DOCK6: variants seen among roughly 807,000 people sequenced by gnomAD.
DOCK6 encodes dedicator of cytokinesis protein 6.
DOCK6 carries 167 observed loss-of-function variants against 230.3 expected under a neutral mutation model. That is an observed-to-expected ratio of 0.73 (90% CI 0.64 to 0.82). The LOEUF is 0.82. Ranked by LOEUF, DOCK6 falls within the 40% of genes least tolerant of loss-of-function variation. The probability of loss-of-function intolerance (pLI) is 0.00; values close to 1 mark genes in which losing one functional copy is unlikely to be tolerated. For missense variants in DOCK6, 2,598 were observed against 2,825.8 expected, an observed-to-expected ratio of 0.92 and a Z score of 1.83; for synonymous variants, 1,148 against 1,185.0, an observed-to-expected ratio of 0.97 and a Z score of 0.64.
At chr19:11,240,516 G>A (rs72994398) in intron 14 of DOCK6, among the ~76,000 whole-genome samples, 5 of 152,134 alleles carry the variant, frequency 3.3e-5, no homozygotes, top group Non-Finnish European at 7.4e-5. Context: ...TCACAGTAGG[G>A]CCAGGTACTC....
rs2079505731 is a variant in DOCK6 at position 11,217,250 on chromosome 19, A to G, written c.3692T>C (p.Ile1231Thr). The G allele has an allele frequency of 3.7e-6, 6 of 1,612,552 alleles. No homozygotes were observed. The highest frequency in any genetic ancestry group is 5.1e-6 in the Non-Finnish European group (6 of 1,179,554). The change falls in exon 29 of 48, where the codon ATC (isoleucine) becomes ACC (threonine). Residue 1231 changes from isoleucine (I) to threonine (T), a missense_variant. By Grantham distance (89) the Ile-to-Thr change is moderately conservative (BLOSUM62 -1). Transcript: ENST00000294618. ...ACTCACCGTTGGTGGCCCCTGGGAG[A>G]TGCTGGCCCGGGAGCCAGGGGCTAG... is the stretch of plus-strand genomic sequence containing the variant. Reference protein sequence around the residue: ...GPLAPGSRASISQGPPTASRA... With the variant: ...GPLAPGSRASTSQGPPTASRA...
chr19:11,239,656 T>G, intron 14 of DOCK6: 1 of 1,613,738 alleles, frequency 6.2e-7, no homozygotes, highest in Non-Finnish European at 8.5e-7. Context: ...GCCTGCTCTG[T>G]GCCTGCTCTG....
chr19:11,199,474 G>T lies in DOCK6; in HGVS notation c.*23C>A. On this transcript the variant is annotated 3_prime_UTR_variant, in exon 48 of 48. Coordinates refer to ENST00000294618, the MANE Select transcript of DOCK6 (RefSeq NM_020812.4). ...GAGGCCCGGGTGCTGGTTCCTCTAG[G>T]TACAGCTTTGGTCCTTGTGGGCTCA... 2.5e-6 allele frequency: 4 copies of T among 1,571,864 alleles called. No individual in the cohort carries two copies. The highest frequency in any genetic ancestry group is 1.2e-5 in the South Asian group (1 of 85,292).
rs1216303054 is a variant in DOCK6 at position 11,215,796 on chromosome 19, C to T, written c.4021+5G>A. On this transcript the variant is annotated splice_donor_5th_base_variant and intron_variant, in intron 31 of 47. Coordinates refer to ENST00000294618, the MANE Select transcript of DOCK6 (RefSeq NM_020812.4). ...TGGGGACACGTGGGTATGTCACCCT[C>T]TTACCACGACTTCGCCGAACCATTT... The T allele has an allele frequency of 3.1e-6, 5 of 1,613,868 alleles. No homozygotes were observed. Among genetic ancestry groups the T allele is most frequent in the East Asian group, 2.2e-5 (1 of 44,894 alleles).
intron 1 of DOCK6, among the ~76,000 whole-genome samples, chr19:11,260,892 A>AAAAAAAAAAAAG (rs1423289379): frequency 2.7e-4 from 40 of 148,482 alleles, no homozygotes; most frequent in Non-Finnish European, 4.1e-4. Context: ...CAAAAAAAAA[A>AAAAAAAAAAAAG]AAAGAAAGAA....
At chr19:11,232,657 C>T (rs199635937) in intron 22 of DOCK6, among the ~76,000 whole-genome samples, 36 of 86,740 alleles carry the variant, frequency 4.2e-4, no homozygotes, top group South Asian at 1.7e-3. Context: ...TATACGCACC[C>T]GTGTCTGTAT....
At chr19:11,226,856 A>G (rs922252578) in intron 24 of DOCK6, among the ~76,000 whole-genome samples, 3 of 152,156 alleles carry the variant, frequency 2.0e-5, no homozygotes, top group African/African-American at 4.8e-5. Context: ...CCATTTATTG[A>G]GCACTTGCTG....
At position 11,243,966 on chromosome 19, in the gene DOCK6, T is replaced by G; in HGVS notation, c.1024-84A>C. On this transcript the variant is annotated intron_variant, in intron 9 of 47. Transcript: ENST00000294618. The surrounding 1 kb of genome is among the most constrained non-coding windows in gnomAD (Gnocchi z 6.3). The stretch of plus-strand genomic sequence containing the variant: ...CTGGCTCCCCAGCCTCCTGGACCCC[T>G]CATGGGCCCTCGGACACTCCTAACA... 1 of 1,430,874 alleles carries G rather than the reference T, an allele frequency of 7.0e-7. No homozygotes were observed. The highest frequency in any genetic ancestry group is 9.6e-7 in the Non-Finnish European group (1 of 1,037,794). 88.6% of individuals were successfully genotyped at this position (1,430,874 alleles called of 1,614,324 possible). A position where few individuals can be genotyped will look rare whatever the true frequency, so the allele number is the denominator to read the frequency against.
In DOCK6 at chr19:11,212,130, G is replaced by T. The variant is rs775574056; in HGVS notation, c.4513C>A (p.Gln1505Lys). The T allele has an allele frequency of 1.2e-6, 2 of 1,610,984 alleles. No individual in the cohort carries two copies. Among genetic ancestry groups the T allele is most frequent in the Non-Finnish European group, 8.5e-7 (1 of 1,179,724 alleles). The change falls in exon 36 of 48, where the codon CAG (glutamine) becomes AAG (lysine). Residue 1505 changes from glutamine to lysine, a missense_variant. By Grantham distance (53) the Gln-to-Lys change is moderately conservative (BLOSUM62 1). Coordinates refer to ENST00000294618, the MANE Select transcript of DOCK6 (RefSeq NM_020812.4). Reference sequence around the variant, plus strand: ...AGGGACGAGAGAGACATGGTGACCTGCATCTTCACACGGGCAAAGTTCTGC... The same window carrying T: ...AGGGACGAGAGAGACATGGTGACCTTCATCTTCACACGGGCAAAGTTCTGC... The part of the protein sequence containing the change: ...IGHNFARVKM[Q>K]VTMSLSSLVG...
At chr19:11,234,071 C>T (rs898449901) in intron 21 of DOCK6, among the ~76,000 whole-genome samples, 8 of 151,988 alleles carry the variant, frequency 5.3e-5, no homozygotes, top group African/African-American at 1.9e-4. Context: ...GAGATCTTGG[C>T]TCACTGCAAC....
Position 11,201,764 on chromosome 19 carries a change from C to T in DOCK6, c.5688+125G>A, listed in dbSNP as rs1600840173. Reference sequence around the variant, plus strand: ...CTGGTCTAGGGTCCCTGTGCCACCCCTCTCTGGGTCTGAGGTCCGTGAACC... The same window carrying T: ...CTGGTCTAGGGTCCCTGTGCCACCCTTCTCTGGGTCTGAGGTCCGTGAACC... On this transcript the variant is annotated intron_variant, in intron 44 of 47. Coordinates refer to ENST00000294618, the MANE Select transcript of DOCK6 (RefSeq NM_020812.4). The surrounding 1 kb of genome is among the most constrained non-coding windows in gnomAD (Gnocchi z 4.3). 1.1e-6 allele frequency: 1 copy of T among 904,726 alleles called. No homozygotes were observed. Among genetic ancestry groups the T allele is most frequent in the African/African-American group, 1.6e-5 (1 of 60,836 alleles). 56.0% of individuals were successfully genotyped at this position (904,726 alleles called of 1,614,324 possible). A position where few individuals can be genotyped will look rare whatever the true frequency, so the allele number is the denominator to read the frequency against.
At position 11,202,619 on chromosome 19, in the gene DOCK6, T is replaced by G; in HGVS notation, c.5326A>C (p.Ile1776Leu). The change falls in exon 42 of 48, where the codon ATC becomes CTC. Residue 1776 changes from isoleucine to leucine, a missense_variant. Ile to Leu is a conservative substitution (Grantham distance 5). Coordinates refer to ENST00000294618, the MANE Select transcript of DOCK6 (RefSeq NM_020812.4). This position sits in a 1 kb window ranked among gnomAD's most constrained non-coding sequence, Gnocchi z 5.3. Reference sequence around the variant, plus strand: ...TGTGAGATCTCTGCCAGCTTCGTGATCGATGGCTCCTTGTACACAAACTCC... The same window carrying G: ...TGTGAGATCTCTGCCAGCTTCGTGAGCGATGGCTCCTTGTACACAAACTCC... ...EQEFVYKEPS[I>L]TKLAEISHRL... 6.2e-7 allele frequency: 1 copy of G among 1,614,008 alleles called. No homozygotes were observed. The highest frequency in any genetic ancestry group is 2.2e-5 in the East Asian group (1 of 44,868).
At chr19:11,232,180 G>C in intron 22 of DOCK6, 1 of 1,288,192 alleles carries the variant, frequency 7.8e-7, no homozygotes, top group Non-Finnish European at 1.0e-6. Context: ...AGGTAGGAAG[G>C]GCACCTGTCT....
In DOCK6 at chr19:11,235,665, G is replaced by T. The variant is rs774319634; in HGVS notation, c.2487C>A (p.Cys829Ter). ...AGTGGACGTAGGCAGCCAGCTGTGG[G>T]CAGTGACCGCGGGCATCCTGGGCTG... ...LEAAQDARGHCPQLAAYVHYA... is the reference protein window; with the variant it reads ...LEAAQDARGH The change falls in exon 21 of 48, where the codon TGC (cysteine) becomes TGA (stop). Residue 829 changes from cysteine (C) to a stop codon, truncating the protein, a stop_gained. Transcript: ENST00000294618. LOFTEE classifies it high-confidence loss of function. 23 of 1,602,604 alleles carry T rather than the reference G, an allele frequency of 1.4e-5. No homozygotes were observed. The highest frequency in any genetic ancestry group is 1.7e-5 in the Non-Finnish European group (20 of 1,174,856).
chr19:11,226,034 C>T (rs912094659), intron 24 of DOCK6, among the ~76,000 whole-genome samples: 1 of 151,940 alleles, frequency 6.6e-6, no homozygotes, highest in East Asian at 1.9e-4. Flanking sequence ...CACAGCAAGA[C>T]CCTATCTCCA....
At chr19:11,261,133 T>G (rs577773279) in intron 1 of DOCK6, among the ~76,000 whole-genome samples, 1 of 151,920 alleles carries the variant, frequency 6.6e-6, no homozygotes, top group Non-Finnish European at 1.5e-5. Context: ...CAAAGTCCCT[T>G]GCACAGCCCA....
intron 39 of DOCK6, chr19:11,206,536 G>A (rs1410900896): frequency 3.9e-5 from 6 of 151,980 alleles, no homozygotes; most frequent in Admixed American, 3.9e-4. Context: ...ACTCCAGCCT[G>A]GGTGAGAGAG....
At chr19:11,234,816 T>C (rs1221241739) in intron 21 of DOCK6, among the ~76,000 whole-genome samples, 3 of 152,156 alleles carry the variant, frequency 2.0e-5, no homozygotes, top group African/African-American at 7.2e-5. Flanking sequence ...ACCCCAGGGA[T>C]GGGGCAAAAG....
rs1279092711 is a variant in DOCK6, at chr19:11,243,207, C to T, written c.1386+51G>A. ...GCCAGGGGGCTAGGGGTCCCCAGGGCTAATGCAGCCAGCGGGGAGTGGGAG... is the reference window on the plus strand; with the variant it reads ...GCCAGGGGGCTAGGGGTCCCCAGGGTTAATGCAGCCAGCGGGGAGTGGGAG... On this transcript the variant is annotated intron_variant, in intron 12 of 47. Coordinates refer to ENST00000294618, the MANE Select transcript of DOCK6 (RefSeq NM_020812.4). This position sits in a 1 kb window ranked among gnomAD's most constrained non-coding sequence, Gnocchi z 6.3. 6.2e-7 allele frequency: 1 copy of T among 1,613,332 alleles called. No individual in the cohort carries two copies. Among genetic ancestry groups the T allele is most frequent in the Non-Finnish European group, 8.5e-7 (1 of 1,179,556 alleles).
Sources: allele counts gnomAD v4.1 joint callset (sites outside exome capture counted in the v4.1 genomes callset), GRCh38; gene constraint gnomAD v4.1.1; non-coding constraint Gnocchi (gnomAD v3.1); transcripts MANE v1.5; gene names NCBI Gene and HGNC (gene_info 2026-07-23, HGNC 2026-07-21).